ZFP28: variants seen among roughly 807,000 people sequenced by gnomAD.
ZFP28 encodes ZFP28 zinc finger protein, also known as zinc finger protein 28 homolog.
ZFP28 carries 31 observed loss-of-function variants against 39.5 expected under a neutral mutation model. The observed-to-expected ratio is 0.79, with a 90% CI of 0.59 to 1.06. The LOEUF (loss-of-function observed/expected upper bound fraction) is 1.06. Among genes scored for constraint, ZFP28 ranks in the 50% least tolerant of loss-of-function variants. ZFP28 has a pLI of 0.00. For missense variants in ZFP28, 925 were observed against 1,048.4 expected, an observed-to-expected ratio of 0.88 and a Z score of 1.63; for synonymous variants, 400 against 378.6, an observed-to-expected ratio of 1.06 and a Z score of -0.66.
intron 7 of ZFP28, chr19:56,550,890 T>G: frequency 7.0e-7 from 1 of 1,434,276 alleles, no homozygotes; most frequent in East Asian, 2.5e-5. Context: ...TGATGCACTT[T>G]TGAGCTGACT....
chr19:56,539,226 G>A lies in ZFP28; in HGVS notation c.208G>A (p.Ala70Thr), dbSNP rs773888697. Residue 70 changes from alanine (A) to threonine (T), a missense_variant and splice_region_variant, in exon 1 of 8, where the codon GCT (alanine) becomes ACT (threonine). Ala to Thr is a moderately conservative substitution (Grantham distance 58). This residue lies in a region of ZFP28 where 556 missense variants were observed against 542.9 expected (regional missense o/e 1.02). Coordinates refer to ENST00000301318, the MANE Select transcript of ZFP28 (RefSeq NM_020828.2). ...GGCCCCTACGGGGCCTGGGCACAGA[G>A]GTGAGAGTGACAGGTGTTTGGGGCC... Reference protein sequence around the residue: ...GAAPTGPGHRALPSRDTALPQ... With the variant: ...GAAPTGPGHRTLPSRDTALPQ... 2.5e-6 allele frequency: 4 copies of A among 1,592,700 alleles called. No homozygotes were observed. The highest frequency in any genetic ancestry group is 1.7e-4 in the Middle Eastern group (1 of 5,952).
In ZFP28 at chr19:56,555,687, G is replaced by A; in HGVS notation, c.*295G>A. 3.2e-6 allele frequency: 1 copy of A among 310,564 alleles called. No individual in the cohort carries two copies. The highest frequency in any genetic ancestry group is 9.1e-5 in the South Asian group (1 of 10,950). 19.2% of individuals were successfully genotyped at this position (310,564 alleles called of 1,614,324 possible). A position where few individuals can be genotyped will look rare whatever the true frequency, so the allele number is the denominator to read the frequency against. On this transcript the variant is annotated 3_prime_UTR_variant, in exon 8 of 8. Transcript: ENST00000301318. ...TGATAAAAAAATGATGCAGTAGGGT[G>A]AGGGTAGGAAAAAGCACATTTTCTA...
chr19:56,542,522 C>G (rs909741331), intron 2 of ZFP28, among the ~76,000 whole-genome samples: 3 of 152,200 alleles, frequency 2.0e-5, no homozygotes, highest in African/African-American at 7.2e-5. Context: ...CAGCCCAGAT[C>G]CATGTTGTTC....
chr19:56,550,654 G>A, intron 7 of ZFP28, 49 bp downstream of exon 7: 1 of 1,610,832 alleles, frequency 6.2e-7, no homozygotes, highest in Non-Finnish European at 8.5e-7. Context: ...AGAGAGAGCG[G>A]AGCTTTTACC....
In ZFP28 at chr19:56,554,225, G is replaced by A. The variant is rs752598938; in HGVS notation, c.1440G>A (p.Glu480=). Residue 480 remains glutamate, a synonymous_variant, in exon 8 of 8, where the codon GAG becomes GAA. Coordinates refer to ENST00000301318, the MANE Select transcript of ZFP28 (RefSeq NM_020828.2). The surrounding 1 kb of genome is among the most constrained non-coding windows in gnomAD (Gnocchi z 6.7). ...GCAAGAAGCCCTATGAGTGCATTGA[G>A]TGTGGGAAAGCTTTCATACAGAACA... is the stretch of plus-strand genomic sequence containing the variant. ...HTGKKPYECI[E]CGKAFIQNTS... is the part of the protein sequence containing the mutation. 23 of 1,614,030 alleles carry A rather than the reference G, an allele frequency of 1.4e-5. No individual in the cohort carries two copies. The highest frequency in any genetic ancestry group is 1.9e-5 in the Non-Finnish European group (23 of 1,180,028).
rs1348523370 is a variant in ZFP28, at chr19:56,541,847, A to G, written c.300+2131A>G. On this transcript the variant is annotated intron_variant, in intron 2 of 7. Transcript: ENST00000301318. ...TGAGTTGAAATGATTCTCCTTCCTCAGCCTCCCGAGTAGCCACCACACCTG... is the reference window on the plus strand; with the variant it reads ...TGAGTTGAAATGATTCTCCTTCCTCGGCCTCCCGAGTAGCCACCACACCTG... Among the ~76,000 whole-genome samples, 3 of 135,686 alleles carry G rather than the reference A, an allele frequency of 2.2e-5. No homozygotes were observed. In the South Asian group the frequency reaches 7.2e-4, roughly 33 times the overall value. The allele number at this position is 135,686 out of a possible 152,430, so 89.0% of individuals were successfully genotyped here. A position where few individuals can be genotyped will look rare whatever the true frequency, so the allele number is the denominator to read the frequency against.
chr19:56,552,159 A>G, intron 7 of ZFP28: 1 of 287,416 alleles, frequency 3.5e-6, no homozygotes, highest in Non-Finnish European at 5.2e-6. Context: ...GGTCTTCTCC[A>G]GTTTTCACCT....
At chr19:56,540,294 G>A (rs1473783106) in intron 2 of ZFP28, among the ~76,000 whole-genome samples, 1 of 152,244 alleles carries the variant, frequency 6.6e-6, no homozygotes, top group Non-Finnish European at 1.5e-5. Flanking sequence ...GAGAGAAGAT[G>A]TTTGGGAGGC....
At chr19:56,551,314 A>G in intron 7 of ZFP28, 7 of 986,898 alleles carry the variant, frequency 7.1e-6, no homozygotes, top group Non-Finnish European at 8.4e-6. Flanking sequence ...GTAATTGTTT[A>G]CTGTTTGGCA....
At chr19:56,550,394 C>T in intron 6 of ZFP28, 116 bp from the exon 7 acceptor site, 7 of 972,110 alleles carry the variant, frequency 7.2e-6, no homozygotes, top group East Asian at 2.4e-5. Context: ...TCAGATCCTA[C>T]TCACCTGTTT....
intron 2 of ZFP28, among the ~76,000 whole-genome samples, chr19:56,541,739 T>G (rs2147948374): frequency 6.6e-6 from 1 of 152,256 alleles, no homozygotes; most frequent in East Asian, 1.9e-4. Flanking sequence ...CTTTTAGTAC[T>G]TTTCTTTTGA....
chr19:56,550,275 T>G, intron 6 of ZFP28, 94 bp downstream of exon 6: 1 of 1,253,914 alleles, frequency 8.0e-7, no homozygotes, highest in Non-Finnish European at 1.1e-6. Context: ...GGGGGTGTCT[T>G]CTGACATGCT....
Position 56,552,227 on chromosome 19 carries a change from T to C in ZFP28, c.899-1457T>C, listed in dbSNP as rs2044310168. On this transcript the variant is annotated intron_variant, in intron 7 of 7. Transcript: ENST00000301318. The stretch of plus-strand genomic sequence containing the variant: ...TCTTGCTTACATGTCAGAATATTTC[T>C]TGAAGATATATGCTTGGAAATGAAT... The C allele has an allele frequency of 4.4e-5, 7 of 158,018 alleles. No individual in the cohort carries two copies. The Admixed American group carries it at 4.6e-4, about 10-fold the overall frequency. The allele number at this position is 158,018 out of a possible 1,614,324, so 9.8% of individuals were successfully genotyped here. A position where few individuals can be genotyped will look rare whatever the true frequency, so the allele number is the denominator to read the frequency against.
In ZFP28 at chr19:56,547,552, G is replaced by T; in HGVS notation, c.345G>T (p.Glu115Asp). 1 of 1,614,174 alleles carries T rather than the reference G, an allele frequency of 6.2e-7. No individual in the cohort carries two copies. Among genetic ancestry groups the T allele is most frequent in the Non-Finnish European group, 8.5e-7 (1 of 1,180,022 alleles). Residue 115 changes from glutamate (E) to aspartate (D), a missense_variant, in exon 3 of 8, where the codon GAG becomes GAT. By Grantham distance (45) the Glu-to-Asp change is conservative. This residue lies in a region of ZFP28 where 556 missense variants were observed against 542.9 expected (regional missense o/e 1.02). Coordinates refer to ENST00000301318, the MANE Select transcript of ZFP28 (RefSeq NM_020828.2). This position sits in a 1 kb window ranked among gnomAD's most constrained non-coding sequence, Gnocchi z 4.6. ...ATGTGGCTGTAGATTTCTCCCAAGA[G>T]GAGTGGGAGTGGCTGAACCCCATTC... ...FGDVAVDFSQ[E>D]EWEWLNPIQR...
At chr19:56,539,324 AGAACTGTGCCCCTGGT>A in intron 1 of ZFP28, 98 bp downstream of exon 1, 1 of 1,249,678 alleles carries the variant, frequency 8.0e-7, no homozygotes, top group Non-Finnish European at 1.1e-6. Flanking sequence ...CAGTTGCTGG[AGAACTGTGCCCCTGGT>A]CTTTGAAGCT....
chr19:56,556,618 C>T lies in ZFP28; in HGVS notation c.*1226C>T, dbSNP rs1023141215. The T allele has an allele frequency of 6.6e-6, 1 of 152,106 alleles. No individual in the cohort carries two copies. Among genetic ancestry groups the T allele is most frequent in the Non-Finnish European group, 1.5e-5 (1 of 68,024 alleles). The allele number at this position is 152,106 out of a possible 1,614,324, so 9.4% of individuals were successfully genotyped here. A position where few individuals can be genotyped will look rare whatever the true frequency, so the allele number is the denominator to read the frequency against. On this transcript the variant is annotated 3_prime_UTR_variant, in exon 8 of 8. Coordinates refer to ENST00000301318, the MANE Select transcript of ZFP28 (RefSeq NM_020828.2). ...TATCCTTTAACAGAAAGTTTGCCAACCTCTGCTCTAGAGTAGAGAAAAATG... is the reference window on the plus strand; with the variant it reads ...TATCCTTTAACAGAAAGTTTGCCAATCTCTGCTCTAGAGTAGAGAAAAATG...
chr19:56,541,459 C>T (rs1311538146), intron 2 of ZFP28, among the ~76,000 whole-genome samples: 2 of 152,136 alleles, frequency 1.3e-5, no homozygotes, highest in African/African-American at 4.8e-5. Context: ...CCCCACAGCC[C>T]CTTCCCGATG....
intron 4 of ZFP28, 49 bp from the exon 5 acceptor site, chr19:56,548,909 C>T (rs750106836): frequency 2.7e-6 from 4 of 1,490,172 alleles, no homozygotes; most frequent in South Asian, 1.4e-5. Flanking sequence ...AATTTTTCTT[C>T]ATACTAACAC....
At chr19:56,544,980 C>G (rs539677967) in intron 2 of ZFP28, among the ~76,000 whole-genome samples, 5 of 152,340 alleles carry the variant, frequency 3.3e-5, no homozygotes, top group Non-Finnish European at 5.9e-5. Context: ...ATAGCATGAT[C>G]AACCTGGGAA....
Sources: gnomAD v4.1 joint callset for allele counts (sites outside exome capture counted in the v4.1 genomes callset) on GRCh38, gnomAD v4.1.1 for gene constraint, gnomAD v4.1.1 regional missense constraint, Gnocchi (gnomAD v3.1) non-coding constraint, MANE v1.5 for transcripts, NCBI Gene and HGNC (gene_info 2026-07-23, HGNC 2026-07-21) for gene names.